The following SKAP1 variants were observed in gnomAD, a reference collection of about 807,000 sequenced individuals.
SKAP1 encodes the protein src kinase-associated phosphoprotein 1.
SKAP1 carries 44 observed loss-of-function variants against 58.5 expected under a neutral mutation model. The observed-to-expected ratio is 0.75, with a 90% CI of 0.59 to 0.97. The LOEUF (loss-of-function observed/expected upper bound fraction) is 0.97. Ranked by LOEUF, SKAP1 falls within the 50% of genes least tolerant of loss-of-function variation. SKAP1 has a pLI of 0.00. For missense variants in SKAP1, 390 were observed against 435.2 expected (o/e 0.90, Z 0.92); for synonymous variants, 127 against 149.7 (o/e 0.85, Z 1.11).
intron 11 of SKAP1, among the ~76,000 whole-genome samples, chr17:48,154,979 G>A (rs534541961): frequency 9.3e-5 from 14 of 151,298 alleles, no homozygotes; most frequent in African/African-American, 1.7e-4. Context: ...AGAACCGCTC[G>A]AACTCAGGAG....
intron 4 of SKAP1, among the ~76,000 whole-genome samples, chr17:48,303,232 C>T (rs1236500854): frequency 6.6e-6 from 1 of 152,164 alleles, no homozygotes; most frequent in Non-Finnish European, 1.5e-5. Context: ...TATGCTAAGA[C>T]ATTACCAGGT....
At chr17:48,405,426 T>C (rs963076904) in intron 1 of SKAP1, among the ~76,000 whole-genome samples, 15 of 83,642 alleles carry the variant, frequency 1.8e-4, no homozygotes, top group African/African-American at 6.3e-4. Flanking sequence ...TCTTTCTTTC[T>C]TTCTTTCTTT....
chr17:48,388,527 C>T (rs187943345), intron 2 of SKAP1, among the ~76,000 whole-genome samples: 87 of 152,256 alleles, frequency 5.7e-4, no homozygotes, highest in Non-Finnish European at 1.1e-3. Context: ...CACATGTACA[C>T]CCACAATCTA....
At chr17:48,140,736 A>T (rs2063756689) in intron 11 of SKAP1, among the ~76,000 whole-genome samples, 1 of 150,030 alleles carries the variant, frequency 6.7e-6, no homozygotes, top group Admixed American at 6.7e-5. Flanking sequence ...AGTCATTCCC[A>T]ATTTCACTTT....
At chr17:48,418,108 C>G (rs1482534860) in intron 1 of SKAP1, among the ~76,000 whole-genome samples, 5 of 151,976 alleles carry the variant, frequency 3.3e-5, no homozygotes, top group Non-Finnish European at 5.9e-5. Context: ...GACAATACAG[C>G]AAGACTCTCG....
chr17:48,176,668 G>T (rs1324910262), intron 9 of SKAP1, among the ~76,000 whole-genome samples: 1 of 152,156 alleles, frequency 6.6e-6, no homozygotes, highest in Non-Finnish European at 1.5e-5. Flanking sequence ...TTGTGGCCTG[G>T]CTGAAAACCT....
intron 1 of SKAP1, among the ~76,000 whole-genome samples, chr17:48,419,738 TTAAC>T: frequency 6.6e-6 from 1 of 152,262 alleles, no homozygotes; most frequent in Admixed American, 6.5e-5. Context: ...CAATATTGGT[TTAAC>T]TAAGCACAAA....
At chr17:48,405,484 T>C (rs1598665451) in intron 1 of SKAP1, among the ~76,000 whole-genome samples, 1 of 149,564 alleles carries the variant, frequency 6.7e-6, no homozygotes, top group African/African-American at 2.5e-5. Flanking sequence ...CCTTCTTTCT[T>C]TTCTTTTCTT....
intron 10 of SKAP1, among the ~76,000 whole-genome samples, chr17:48,168,536 G>A (rs1466171429): frequency 6.6e-6 from 1 of 152,120 alleles, no homozygotes; most frequent in African/African-American, 2.4e-5. Flanking sequence ...ACGTGCCTGT[G>A]ATCCCAGCTA....
intron 4 of SKAP1, among the ~76,000 whole-genome samples, chr17:48,260,597 A>T (rs532706865): frequency 6.4e-4 from 98 of 152,326 alleles, no homozygotes; most frequent in African/African-American, 2.3e-3. Flanking sequence ...TCATATTAGA[A>T]ACTGGAAAAT....
At chr17:48,247,534 G>A (rs182535199) in intron 4 of SKAP1, among the ~76,000 whole-genome samples, 6 of 152,068 alleles carry the variant, frequency 3.9e-5, no homozygotes, top group African/African-American at 4.8e-5. Context: ...AAAGGTAACC[G>A]TCTTTTCCTA....
chr17:48,229,481 C>T (rs112021404), intron 4 of SKAP1, among the ~76,000 whole-genome samples: 21,186 of 151,720 alleles, frequency 0.14, 2,040 homozygotes, highest in Non-Finnish European at 0.2. Context: ...ATTAGCTGGG[C>T]GTTGTGGTGG....
chr17:48,303,637 T>C (rs2066093093), intron 4 of SKAP1, among the ~76,000 whole-genome samples: 1 of 152,156 alleles, frequency 6.6e-6, no homozygotes, highest in African/African-American at 2.4e-5. Context: ...CCATCTTATG[T>C]CAGAAAACTA....
chr17:48,198,857 A>G (rs891041909), intron 4 of SKAP1, among the ~76,000 whole-genome samples: 1 of 152,220 alleles, frequency 6.6e-6, no homozygotes, highest in Non-Finnish European at 1.5e-5. Context: ...AGTCACAGTA[A>G]GTGGCAACAG....
At chr17:48,220,350 T>C (rs2064987731) in intron 4 of SKAP1, among the ~76,000 whole-genome samples, 1 of 152,156 alleles carries the variant, frequency 6.6e-6, no homozygotes. Flanking sequence ...AAATACTATA[T>C]AGTAATGAGA....
the SKAP1 span, among the ~76,000 whole-genome samples, chr17:48,444,019 A>G: frequency 6.6e-6 from 1 of 152,176 alleles, no homozygotes; most frequent in African/African-American, 2.4e-5. Flanking sequence ...TGAATTTGAG[A>G]GTAAATTACA....
At chr17:48,192,081 G>C (rs1248898591) in intron 4 of SKAP1, among the ~76,000 whole-genome samples, 1 of 152,082 alleles carries the variant, frequency 6.6e-6, no homozygotes, top group Non-Finnish European at 1.5e-5. Context: ...CTTGGAGGCT[G>C]AGGTAGGAGG....
At chr17:48,306,995 G>T (rs1003116731) in intron 4 of SKAP1, among the ~76,000 whole-genome samples, 1 of 152,148 alleles carries the variant, frequency 6.6e-6, no homozygotes, top group Non-Finnish European at 1.5e-5. Flanking sequence ...ATCCACCCAC[G>T]AAGGATTATG....
Position 48,365,779 on chromosome 17 carries a change from C to CT in SKAP1, c.153-1966dup, listed in dbSNP as rs11320627. On this transcript the variant is annotated intron_variant, in intron 2 of 12. Coordinates refer to ENST00000336915, the MANE Select transcript of SKAP1 (RefSeq NM_003726.4). The stretch of plus-strand genomic sequence containing the variant: ...TCAGGAGTGTAGATGTGCGTCGGAG[C>CT]TTTTTTTTTTTTTTTTTAACCTAGG... 1.8e-3 allele frequency among the ~76,000 whole-genome samples: 246 copies of CT among 139,612 alleles called. 2 individuals carry two copies. Among genetic ancestry groups the CT allele is most frequent in the South Asian group, 7.0e-3 (30 of 4,316 alleles). 91.6% of individuals were successfully genotyped at this position (139,612 alleles called of 152,430 possible).
Sources: allele counts gnomAD v4.1 joint callset (sites outside exome capture counted in the v4.1 genomes callset), GRCh38; gene constraint gnomAD v4.1.1; transcripts MANE v1.5; gene names NCBI Gene and HGNC (gene_info 2026-07-23, HGNC 2026-07-21).